Variants in NRXN1 observed in about 807,000 individuals in gnomAD.
The protein encoded by NRXN1 is neurexin-1.
A neutral mutation model predicts 150.9 loss-of-function variants in NRXN1; 39 were observed. The observed-to-expected ratio is 0.26, with a 90% CI of 0.20 to 0.34. The LOEUF is 0.34. Ranked by LOEUF, NRXN1 falls within the 10% of genes least tolerant of loss-of-function variation. The pLI, the probability that NRXN1 is intolerant of heterozygous loss-of-function variation, is 1.00. For synonymous variants in NRXN1, 924 were observed against 757.0 expected, an observed-to-expected ratio of 1.22 and a Z score of -3.62; for missense variants, 1,815 against 1,949.9, an observed-to-expected ratio of 0.93 and a Z score of 1.30.
intron 21 of NRXN1, among the ~76,000 whole-genome samples, chr2:50,000,877 T>A (rs1683810904): frequency 1.3e-5 from 2 of 152,176 alleles, no homozygotes; most frequent in Non-Finnish European, 2.9e-5. Context: ...TGCAGACAGC[T>A]ATAAAATGAA....
intron 18 of NRXN1, among the ~76,000 whole-genome samples, chr2:50,178,751 A>T (rs892566785): frequency 2.6e-5 from 4 of 152,168 alleles, no homozygotes; most frequent in African/African-American, 9.7e-5. Flanking sequence ...TATAATACAT[A>T]CCATAAAGTA....
intron 5 of NRXN1, among the ~76,000 whole-genome samples, chr2:50,694,349 G>C (rs1050823919): frequency 1.3e-5 from 2 of 151,910 alleles, no homozygotes; most frequent in Non-Finnish European, 2.9e-5. Flanking sequence ...TTTTTGCATC[G>C]GTTTCCCTCT....
rs1019535901 is a variant in NRXN1, at chr2:50,829,722, C to T, written c.832+92147G>A. The T allele has an allele frequency of 2.3e-5, 36 of 1,591,458 alleles. No individual in the cohort carries two copies. The Admixed American group carries it at 2.3e-4, about 10-fold the overall frequency. ...CGCCCGCACACCCAGAGCTCGCCCACGGTTGGCAGCGCCCAAGGTTGCACG... is the reference window on the plus strand; with the variant it reads ...CGCCCGCACACCCAGAGCTCGCCCATGGTTGGCAGCGCCCAAGGTTGCACG... On this transcript the variant is annotated intron_variant, in intron 5 of 22. Transcript: ENST00000401669.
chr2:49,954,873 T>A (rs1674652979), intron 21 of NRXN1, among the ~76,000 whole-genome samples: 1 of 152,192 alleles, frequency 6.6e-6, no homozygotes, highest in African/African-American at 2.4e-5. Flanking sequence ...TGGGTACAGT[T>A]TATGTTTTAT....
At chr2:50,581,494 G>GT (rs1276602577) in intron 8 of NRXN1, among the ~76,000 whole-genome samples, 2 of 152,162 alleles carry the variant, frequency 1.3e-5, no homozygotes, top group Non-Finnish European at 2.9e-5. Context: ...CAGTAGCCCA[G>GT]TAAGAGACAA....
chr2:50,351,851 A>G (rs1357826178), intron 17 of NRXN1, among the ~76,000 whole-genome samples: 1 of 152,146 alleles, frequency 6.6e-6, no homozygotes, highest in East Asian at 1.9e-4. Flanking sequence ...CATTTTTGGA[A>G]GACATTTTTT....
At chr2:50,036,397 C>T (rs1455175117) in intron 21 of NRXN1, among the ~76,000 whole-genome samples, 6 of 152,072 alleles carry the variant, frequency 3.9e-5, no homozygotes, top group Non-Finnish European at 8.8e-5. Flanking sequence ...AAACCTATTT[C>T]CTTTATAAAT....
At chr2:50,158,810 T>G (rs1329385418) in intron 18 of NRXN1, among the ~76,000 whole-genome samples, 1 of 152,126 alleles carries the variant, frequency 6.6e-6, no homozygotes, top group Non-Finnish European at 1.5e-5. Flanking sequence ...ACATATTGGC[T>G]ACCCTGTTTA....
chr2:50,558,038 TAAC>T (rs1230899341), intron 8 of NRXN1, among the ~76,000 whole-genome samples: 1 of 152,200 alleles, frequency 6.6e-6, no homozygotes, highest in Non-Finnish European at 1.5e-5. Context: ...CTGTGGTATC[TAAC>T]AACAGCGGCT....
intron 2 of NRXN1, among the ~76,000 whole-genome samples, chr2:50,986,851 AAC>A (rs1241172030): frequency 6.6e-6 from 1 of 151,850 alleles, no homozygotes; most frequent in Non-Finnish European, 1.5e-5. Context: ...GTTTAAAATA[AAC>A]ACAATTGACA....
intron 17 of NRXN1, among the ~76,000 whole-genome samples, chr2:50,340,566 T>C (rs1452586335): frequency 6.6e-6 from 1 of 152,030 alleles, no homozygotes; most frequent in Non-Finnish European, 1.5e-5. Flanking sequence ...CTGAATATAA[T>C]CTTTGCAAAA....
intron 2 of NRXN1, among the ~76,000 whole-genome samples, chr2:50,938,752 A>G (rs1455306110): frequency 6.6e-6 from 1 of 152,168 alleles, no homozygotes; most frequent in Non-Finnish European, 1.5e-5. Context: ...AAACATGAGG[A>G]ATTAAATGAA....
chr2:50,456,421 G>T (rs2087565624), intron 17 of NRXN1, among the ~76,000 whole-genome samples: 1 of 152,086 alleles, frequency 6.6e-6, no homozygotes, highest in African/African-American at 2.4e-5. Context: ...GCTATAGAAT[G>T]CTACAAGAGA....
intron 8 of NRXN1, among the ~76,000 whole-genome samples, chr2:50,580,125 T>C (rs1454272867): frequency 4.6e-5 from 7 of 152,232 alleles, no homozygotes; most frequent in Non-Finnish European, 8.8e-5. Flanking sequence ...TACAGAATTA[T>C]ATCATGCCTA....
At chr2:50,597,375 T>C (rs1435745782) in intron 8 of NRXN1, among the ~76,000 whole-genome samples, 1 of 152,170 alleles carries the variant, frequency 6.6e-6, no homozygotes, top group Admixed American at 6.5e-5. Flanking sequence ...TATCTCACCC[T>C]CTCCAGCCAT....
intron 5 of NRXN1, among the ~76,000 whole-genome samples, chr2:50,895,024 T>C (rs1681705594): frequency 6.6e-6 from 1 of 152,148 alleles, no homozygotes; most frequent in Admixed American, 6.5e-5. Flanking sequence ...GAAACAACCA[T>C]GACAAGCCAA....
chr2:50,656,408 C>A, intron 5 of NRXN1: 2 of 776,066 alleles, frequency 2.6e-6, no homozygotes, highest in South Asian at 2.7e-5. Context: ...CTGAAGAAGT[C>A]ACAAATAGGA....
intron 5 of NRXN1, among the ~76,000 whole-genome samples, chr2:50,817,940 C>A (rs1669163639): frequency 6.6e-6 from 1 of 151,810 alleles, no homozygotes; most frequent in Non-Finnish European, 1.5e-5. Flanking sequence ...TAATCAGGAA[C>A]AAGGTATTAA....
At chr2:50,219,779 T>C (rs1268046836) in intron 18 of NRXN1, among the ~76,000 whole-genome samples, 1 of 149,120 alleles carries the variant, frequency 6.7e-6, no homozygotes, top group African/African-American at 2.5e-5. Flanking sequence ...TCCCAGATAC[T>C]TGAGAGGCTA....
Sources: allele counts gnomAD v4.1 joint callset (sites outside exome capture counted in the v4.1 genomes callset), GRCh38; gene constraint gnomAD v4.1.1; transcripts MANE v1.5; gene names NCBI Gene and HGNC (gene_info 2026-07-23, HGNC 2026-07-21).